The following PPIP5K2 variants were observed in gnomAD, a reference collection of about 807,000 sequenced individuals.
PPIP5K2 encodes the protein inositol hexakisphosphate and diphosphoinositol-pentakisphosphate kinase 2.
A neutral mutation model predicts 154.6 loss-of-function variants in PPIP5K2; 105 were observed. The ratio of observed to expected loss-of-function variants is 0.68; its 90% CI spans 0.58 to 0.80. PPIP5K2 has a LOEUF of 0.80. PPIP5K2 is among the 30% of genes least tolerant of loss of function. The pLI is 0.00. For synonymous variants in PPIP5K2, 480 were observed against 490.3 expected (o/e 0.98, Z 0.28); for missense variants, 992 against 1,504.6 (o/e 0.66, Z 5.64).
intron 7 of PPIP5K2, among the ~76,000 whole-genome samples, chr5:103,148,545 A>C (rs2149548298): frequency 6.6e-6 from 1 of 152,296 alleles, no homozygotes; most frequent in South Asian, 2.1e-4. Flanking sequence ...AAATCTGAGT[A>C]TGAATCCTTA....
Position 103,206,089 on chromosome 5 carries a change from C to G in PPIP5K2, c.*4455C>G, listed in dbSNP as rs1392559862. Reference sequence around the variant, plus strand: ...TTTTGTCTTTCTGTAACAATACTTTCCACTGCAAGTAGGAAAATTCCAATT... The same window carrying G: ...TTTTGTCTTTCTGTAACAATACTTTGCACTGCAAGTAGGAAAATTCCAATT... On this transcript the variant is annotated 3_prime_UTR_variant, in exon 31 of 31. Transcript: ENST00000358359. The G allele has an allele frequency of 6.6e-6, 1 of 152,102 alleles. No individual in the cohort carries two copies. Among genetic ancestry groups the G allele is most frequent in the Non-Finnish European group, 1.5e-5 (1 of 68,028 alleles). 9.4% of individuals were successfully genotyped at this position (152,102 alleles called of 1,614,324 possible). A position where few individuals can be genotyped will look rare whatever the true frequency, so the allele number is the denominator to read the frequency against.
At chr5:103,160,476 G>A (rs1554215263) in intron 17 of PPIP5K2, among the ~76,000 whole-genome samples, 1 of 152,066 alleles carries the variant, frequency 6.6e-6, no homozygotes, top group Non-Finnish European at 1.5e-5. Context: ...ATTAAGTAAT[G>A]GTCATAGTTA....
intron 11 of PPIP5K2, among the ~76,000 whole-genome samples, chr5:103,154,369 A>G (rs1795076686): frequency 6.6e-6 from 1 of 152,066 alleles, no homozygotes; most frequent in African/African-American, 2.4e-5. Context: ...TTTTCAATGT[A>G]TATGCAATGA....
In PPIP5K2 at chr5:103,199,322, G is replaced by T. The variant is rs531419878; in HGVS notation, c.3620-2200G>T. Among the ~76,000 whole-genome samples, 382 of 152,162 alleles carry T rather than the reference G, an allele frequency of 2.5e-3. 1 individual carries two copies. The highest frequency in any genetic ancestry group is 8.8e-3 in the African/African-American group (367 of 41,546). Reference sequence around the variant, plus strand: ...GAAGTTTTTTAGCATTTCTTAATCTGCAGGTCTGTTGGCAACAAATTCTAT... The same window carrying T: ...GAAGTTTTTTAGCATTTCTTAATCTTCAGGTCTGTTGGCAACAAATTCTAT... On this transcript the variant is annotated intron_variant, in intron 30 of 30. Coordinates refer to ENST00000358359, the MANE Select transcript of PPIP5K2 (RefSeq NM_001276277.3).
intron 17 of PPIP5K2, among the ~76,000 whole-genome samples, chr5:103,166,098 A>C (rs1483852765): frequency 1.2e-4 from 18 of 152,094 alleles, no homozygotes; most frequent in African/African-American, 4.3e-4. Flanking sequence ...CAATCAAAGT[A>C]ATGGCTACCA....
intron 1 of PPIP5K2, among the ~76,000 whole-genome samples, chr5:103,124,395 G>C (rs1393314509): frequency 6.6e-6 from 1 of 151,768 alleles, no homozygotes; most frequent in Non-Finnish European, 1.5e-5. Context: ...TTGCCATGCT[G>C]TCATAAGGAC....
At chr5:103,147,399 T>C (rs895772230) in intron 6 of PPIP5K2, among the ~76,000 whole-genome samples, 4 of 151,958 alleles carry the variant, frequency 2.6e-5, no homozygotes, top group African/African-American at 9.7e-5. Flanking sequence ...CCTACATTGT[T>C]AAAATAGTTG....
intron 24 of PPIP5K2, among the ~76,000 whole-genome samples, chr5:103,182,174 C>G (rs1554223129): frequency 6.6e-6 from 1 of 152,072 alleles, no homozygotes; most frequent in East Asian, 1.9e-4. Context: ...TATAGTTCAT[C>G]AAATTATTCA....
intron 21 of PPIP5K2, 57 bp from the exon 22 acceptor site, chr5:103,177,610 G>A: frequency 1.7e-6 from 2 of 1,188,162 alleles, no homozygotes; most frequent in South Asian, 1.4e-5. Context: ...TGACAATAAA[G>A]TGACTTTCAA....
In PPIP5K2 at chr5:103,158,594, G is replaced by T. The variant is rs782165417; in HGVS notation, c.1737+21G>T. 6.5e-6 allele frequency: 10 copies of T among 1,541,978 alleles called. No individual in the cohort carries two copies. The South Asian group carries it at 1.3e-4, about 19-fold the overall frequency. ...CAAAGGTATAAATAATTTTTTTTTAGAATTATTAGAGTTTTTAATCTAATA... is the reference window on the plus strand; with the variant it reads ...CAAAGGTATAAATAATTTTTTTTTATAATTATTAGAGTTTTTAATCTAATA... On this transcript the variant is annotated intron_variant, in intron 16 of 30. Coordinates refer to ENST00000358359, the MANE Select transcript of PPIP5K2 (RefSeq NM_001276277.3).
intron 5 of PPIP5K2, among the ~76,000 whole-genome samples, chr5:103,146,007 T>C (rs1793696470): frequency 6.6e-6 from 1 of 152,014 alleles, no homozygotes; most frequent in Non-Finnish European, 1.5e-5. Flanking sequence ...TATATACAAC[T>C]ACTATGTACC....
In PPIP5K2 at chr5:103,158,525, T is replaced by C. The variant is rs782475188; in HGVS notation, c.1689T>C (p.Tyr563=). The C allele has an allele frequency of 6.9e-5, 112 of 1,612,312 alleles. No homozygotes were observed. Among genetic ancestry groups the C allele is most frequent in the Non-Finnish European group, 9.2e-5 (109 of 1,179,444 alleles). The change falls in exon 16 of 31, where the codon TAT becomes TAC. Residue 563 remains tyrosine, a synonymous_variant. Coordinates refer to ENST00000358359, the MANE Select transcript of PPIP5K2 (RefSeq NM_001276277.3). ...HSTYRHDLKI[Y]ASDEGRVQMT... is the part of the protein sequence containing the mutation. ...CCTACAGACATGACCTCAAAATATATGCCTCTGATGAAGGACGAGTCCAGA... is the reference window on the plus strand; with the variant it reads ...CCTACAGACATGACCTCAAAATATACGCCTCTGATGAAGGACGAGTCCAGA...
intron 17 of PPIP5K2, among the ~76,000 whole-genome samples, chr5:103,165,597 A>G (rs1797002938): frequency 1.3e-5 from 2 of 152,150 alleles, no homozygotes; most frequent in South Asian, 4.1e-4. Flanking sequence ...TGAAACAAGA[A>G]CAAACAGCAA....
intron 23 of PPIP5K2, 106 bp from the exon 24 acceptor site, chr5:103,179,915 T>C: frequency 1.1e-6 from 1 of 922,468 alleles, no homozygotes; most frequent in Non-Finnish European, 1.5e-6. Flanking sequence ...GTAAACAAAC[T>C]TGTATATGTA....
rs1451123044 is a variant in PPIP5K2 at position 103,210,583 on chromosome 5, A to T, written c.*8949A>T. On this transcript the variant is annotated 3_prime_UTR_variant, in exon 31 of 31. Transcript: ENST00000358359. ...CTATCTGGGAGACTCTAGAATCTTT[A>T]CCATTCCCTCTACTATTCCTAGCTC... The T allele has an allele frequency of 6.6e-6, 1 of 152,046 alleles. No homozygotes were observed. The highest frequency in any genetic ancestry group is 1.5e-5 in the Non-Finnish European group (1 of 67,974). 9.4% of individuals were successfully genotyped at this position (152,046 alleles called of 1,614,324 possible). A position where few individuals can be genotyped will look rare whatever the true frequency, so the allele number is the denominator to read the frequency against.
rs1269973905 is a variant in PPIP5K2, at chr5:103,187,851, G to T, written c.3352+475G>T. Among the ~76,000 whole-genome samples, 3 of 152,060 alleles carry T rather than the reference G, an allele frequency of 2.0e-5. No individual in the cohort carries two copies. In the East Asian group the frequency reaches 5.8e-4, roughly 29 times the overall value. Reference sequence around the variant, plus strand: ...TCTTTGAAAAATTCCTGGGCACCTGGTGATGCATATTTCACTGTATAACAT... The same window carrying T: ...TCTTTGAAAAATTCCTGGGCACCTGTTGATGCATATTTCACTGTATAACAT... On this transcript the variant is annotated intron_variant, in intron 28 of 30. Coordinates refer to ENST00000358359, the MANE Select transcript of PPIP5K2 (RefSeq NM_001276277.3).
rs1349801331 is a variant in PPIP5K2 at position 103,201,873 on chromosome 5, T to A, written c.*239T>A. On this transcript the variant is annotated 3_prime_UTR_variant, in exon 31 of 31. Coordinates refer to ENST00000358359, the MANE Select transcript of PPIP5K2 (RefSeq NM_001276277.3). ...ATTGTTGTTAATATGATGTTTACCA[T>A]GTGCACATAGTAATGAAAAGGAACA... is the stretch of plus-strand genomic sequence containing the variant. 7.1e-6 allele frequency: 3 copies of A among 425,476 alleles called. No individual in the cohort carries two copies. The East Asian group carries it at 1.4e-4, about 20-fold the overall frequency. 26.4% of individuals were successfully genotyped at this position (425,476 alleles called of 1,614,324 possible). A position where few individuals can be genotyped will look rare whatever the true frequency, so the allele number is the denominator to read the frequency against.
chr5:103,149,052 A>G (rs529634625), intron 7 of PPIP5K2, 100 bp from the exon 8 acceptor site: 6 of 987,104 alleles, frequency 6.1e-6, no homozygotes, highest in East Asian at 5.9e-5. Flanking sequence ...ATTCTGAACT[A>G]TTTTTTAGTA....
rs1803431160 is a variant in PPIP5K2 at position 103,205,043 on chromosome 5, C to T, written c.*3409C>T. ...CTGACAGGCCCAGTGTGTGATGTTC[C>T]CCGCCCTGTGTCCAAGTACTGTTCT... On this transcript the variant is annotated 3_prime_UTR_variant, in exon 31 of 31. Coordinates refer to ENST00000358359, the MANE Select transcript of PPIP5K2 (RefSeq NM_001276277.3). 1 of 151,992 alleles carries T rather than the reference C, an allele frequency of 6.6e-6. No homozygotes were observed. Among genetic ancestry groups the T allele is most frequent in the African/African-American group, 2.4e-5 (1 of 41,360 alleles). 9.4% of individuals were successfully genotyped at this position (151,992 alleles called of 1,614,324 possible).
Sources: gnomAD v4.1 joint callset for allele counts (sites outside exome capture counted in the v4.1 genomes callset) on GRCh38, gnomAD v4.1.1 for gene constraint, MANE v1.5 for transcripts, NCBI Gene and HGNC (gene_info 2026-07-23, HGNC 2026-07-21) for gene names.